Variants in UGT2B11 observed in about 807,000 individuals in gnomAD.
UGT2B11 encodes the protein UDP glucuronosyltransferase family 2 member B11.
Under a neutral mutation model 51.7 loss-of-function variants are expected in UGT2B11, and 49 were observed. That is an observed-to-expected ratio of 0.95 (90% CI 0.75 to 1.20). The LOEUF is 1.20. Ranked by LOEUF, UGT2B11 falls within the 50% of genes most tolerant of loss-of-function variation. UGT2B11 has a pLI of 0.00. For missense variants in UGT2B11, 810 were observed against 622.1 expected (o/e 1.30, Z -3.21); for synonymous variants, 273 against 209.0 (o/e 1.31, Z -2.64).
chr4:69,223,678 A>C, the UGT2B11 span, among the ~76,000 whole-genome samples: 3 of 152,112 alleles, frequency 2.0e-5, no homozygotes, highest in African/African-American at 7.2e-5. Context: ...GAGGCTTATT[A>C]AGCTTAAAGG....
At chr4:69,219,835 C>T in the UGT2B11 span, among the ~76,000 whole-genome samples, 311 of 152,252 alleles carry the variant, frequency 2.0e-3, 1 homozygote, top group African/African-American at 7.1e-3. Flanking sequence ...GATGAAATTT[C>T]GGTGAGGGAA....
Position 69,214,107 on chromosome 4 carries a change from T to C in UGT2B11, c.616A>G (p.Thr206Ala). The stretch of plus-strand genomic sequence containing the variant: ...ATATTTTTTACCCTCTCCATGAAAG[T>C]CATTTGATCACTTAATTTTGACATA... ...IVMSKLSDQM[T>A]FMERVKNMIY... Residue 206 changes from threonine to alanine, a missense_variant, in exon 1 of 6, where the codon ACT (threonine) becomes GCT (alanine). Thr to Ala is a moderately conservative substitution (Grantham distance 58, BLOSUM62 0). Transcript: ENST00000446444. 3.1e-6 allele frequency: 5 copies of C among 1,612,176 alleles called. No individual in the cohort carries two copies. Among genetic ancestry groups the C allele is most frequent in the South Asian group, 1.1e-5 (1 of 90,922 alleles).
chr4:69,224,886 C>A, the UGT2B11 span, among the ~76,000 whole-genome samples: 3 of 152,036 alleles, frequency 2.0e-5, no homozygotes, highest in East Asian at 3.9e-4. Flanking sequence ...GCGGGAAATA[C>A]ATGTGTGGGA....
chr4:69,219,643 G>A (rs546048945), upstream of UGT2B11, among the ~76,000 whole-genome samples: 4 of 152,154 alleles, frequency 2.6e-5, no homozygotes, highest in Non-Finnish European at 2.9e-5. Context: ...GCAATGTTAT[G>A]TAATACATGG....
chr4:69,209,029 G>A (rs1231510198), intron 2 of UGT2B11, among the ~76,000 whole-genome samples: 3 of 151,546 alleles, frequency 2.0e-5, no homozygotes, highest in Non-Finnish European at 4.4e-5. Context: ...AATGCTTTAT[G>A]CTTCACTTAA....
upstream of UGT2B11, chr4:69,215,391 T>A (rs2109957473): frequency 6.6e-6 from 1 of 152,112 alleles, no homozygotes; most frequent in Non-Finnish European, 1.5e-5. Context: ...GTATGTGGTC[T>A]TTTGTGGCTG....
upstream of UGT2B11, chr4:69,215,752 T>G (rs1722253533): frequency 6.6e-6 from 1 of 152,000 alleles, no homozygotes; most frequent in Non-Finnish European, 1.5e-5. Context: ...GTATGAGGGT[T>G]TCAATGTCTC....
At chr4:69,210,588 T>C (rs1488694665) in intron 2 of UGT2B11, among the ~76,000 whole-genome samples, 1 of 151,578 alleles carries the variant, frequency 6.6e-6, no homozygotes, top group Non-Finnish European at 1.5e-5. Flanking sequence ...CAACCTTTTT[T>C]CTTGTCCTTT....
intron 3 of UGT2B11, among the ~76,000 whole-genome samples, chr4:69,206,467 G>T (rs993776220): frequency 1.3e-5 from 2 of 151,426 alleles, no homozygotes; most frequent in East Asian, 3.9e-4. Flanking sequence ...ACACTGAGAT[G>T]TATTGGAGGG....
the UGT2B11 span, among the ~76,000 whole-genome samples, chr4:69,224,406 C>T: frequency 2.0e-5 from 3 of 152,062 alleles, no homozygotes; most frequent in Admixed American, 1.3e-4. Flanking sequence ...TGAACCGGAT[C>T]CAGACTTACC....
intron 4 of UGT2B11, 126 bp from the exon 5 acceptor site, chr4:69,204,775 T>C: frequency 6.9e-7 from 1 of 1,455,994 alleles, no homozygotes; most frequent in Non-Finnish European, 9.4e-7. Flanking sequence ...CTTTTCAGAC[T>C]TCAGATGAAA....
At chr4:69,215,541 G>C (rs1192485589), upstream of UGT2B11, 1 of 151,974 alleles carries the variant, frequency 6.6e-6, no homozygotes, top group Non-Finnish European at 1.5e-5. Context: ...GATAGATATT[G>C]ATTTTCTTCC....
At chr4:69,210,257 T>C (rs1262908998) in intron 2 of UGT2B11, among the ~76,000 whole-genome samples, 3 of 151,676 alleles carry the variant, frequency 2.0e-5, no homozygotes, top group Non-Finnish European at 4.4e-5. Context: ...CTTGTAATGT[T>C]AATTTTGTGA....
intron 5 of UGT2B11, among the ~76,000 whole-genome samples, chr4:69,202,140 T>A (rs1284726632): frequency 6.6e-6 from 1 of 151,808 alleles, no homozygotes; most frequent in Non-Finnish European, 1.5e-5. Context: ...TAGCATTCCA[T>A]TGATTGATAA....
rs1280933217 is a variant in UGT2B11 at position 69,200,607 on chromosome 4, G to T, written c.1423C>A (p.His475Asn). 1.2e-6 allele frequency: 2 copies of T among 1,612,474 alleles called. No individual in the cohort carries two copies. The highest frequency in any genetic ancestry group is 3.3e-5 in the Admixed American group (2 of 59,870). ...AGGTCATGGGCTGCAACTCGAAGGTGTTTGGCTCCTTTGTGGGGCATGACA... is the reference window on the plus strand; with the variant it reads ...AGGTCATGGGCTGCAACTCGAAGGTTTTTGGCTCCTTTGTGGGGCATGACA... ...EFVMPHKGAK[H>N]LRVAAHDLTW... The change falls in exon 6 of 6, where the codon CAC (histidine) becomes AAC (asparagine). Residue 475 changes from histidine (H) to asparagine (N), a missense_variant. Coordinates refer to ENST00000446444, the MANE Select transcript of UGT2B11 (RefSeq NM_001073.3).
At chr4:69,211,211 T>C (rs1262319242) in intron 2 of UGT2B11, 1 of 151,580 alleles carries the variant, frequency 6.6e-6, no homozygotes, top group Admixed American at 6.6e-5. Context: ...TTAAATACTT[T>C]GTTAAAGTCA....
chr4:69,203,395 T>TA (rs1721731874), intron 5 of UGT2B11, among the ~76,000 whole-genome samples: 1 of 151,762 alleles, frequency 6.6e-6, no homozygotes, highest in South Asian at 2.1e-4. Context: ...AACCATGTTG[T>TA]ACTGCTGATG....
chr4:69,202,662 A>G (rs1432743222), intron 5 of UGT2B11, among the ~76,000 whole-genome samples: 2 of 151,692 alleles, frequency 1.3e-5, no homozygotes, highest in East Asian at 2.0e-4. Context: ...TGTTCTTCAA[A>G]TGTTTTATGT....
Position 69,214,363 on chromosome 4 carries a change from A to G in UGT2B11, c.360T>C (p.Tyr120=). The G allele has an allele frequency of 6.2e-7, 1 of 1,612,598 alleles. No individual in the cohort carries two copies. The highest frequency in any genetic ancestry group is 2.2e-5 in the East Asian group (1 of 44,782). Residue 120 remains tyrosine (Y), a synonymous_variant, in exon 1 of 6, where the codon TAT becomes TAC. Transcript: ENST00000446444. ...CTTTACAGAAGTTTCTAAATATGTC[A>G]TATAATTCCCACAGGATTTCTTGTT... The part of the protein sequence containing the change: ...SQEQEILWEL[Y]DIFRNFCKDV...
Sources: allele counts gnomAD v4.1 joint callset (sites outside exome capture counted in the v4.1 genomes callset), GRCh38; gene constraint gnomAD v4.1.1; transcripts MANE v1.5; gene names NCBI Gene and HGNC (gene_info 2026-07-23, HGNC 2026-07-21).